The following ARHGAP24 variants were observed in gnomAD, a reference collection of about 807,000 sequenced individuals.
ARHGAP24 encodes rho GTPase-activating protein 24.
In ARHGAP24, 50 loss-of-function variants were observed where a neutral mutation model predicts 76.4. The observed-to-expected ratio is 0.65, with a 90% CI of 0.52 to 0.83. The LOEUF is 0.83. ARHGAP24 is among the 40% of genes least tolerant of loss of function. The probability of loss-of-function intolerance (pLI) is 0.00; values close to 1 mark genes in which losing one functional copy is unlikely to be tolerated. For synonymous variants in ARHGAP24, 345 were observed against 323.3 expected, an observed-to-expected ratio of 1.07 and a Z score of -0.72; for missense variants, 930 against 914.2, an observed-to-expected ratio of 1.02 and a Z score of -0.22.
At chr4:85,490,347 G>T (rs1335224101) in intron 1 of ARHGAP24, among the ~76,000 whole-genome samples, 2 of 152,136 alleles carry the variant, frequency 1.3e-5, no homozygotes, top group Non-Finnish European at 2.9e-5. Context: ...GTGTTTACAG[G>T]CTTGGAGGCA....
intron 1 of ARHGAP24, among the ~76,000 whole-genome samples, chr4:85,544,334 A>C (rs1432863655): frequency 2.6e-5 from 4 of 152,166 alleles, no homozygotes; most frequent in African/African-American, 9.7e-5. Flanking sequence ...TTAAGCTTTA[A>C]TCTATTAAAT....
chr4:85,994,447 C>T (rs1022566685), intron 8 of ARHGAP24, 136 bp from the exon 9 acceptor site: 16 of 891,040 alleles, frequency 1.8e-5, no homozygotes, highest in Non-Finnish European at 2.6e-5. Context: ...TTGCTATTAT[C>T]ATAGTTAAGA....
At chr4:85,543,305 C>G (rs1037816693) in intron 1 of ARHGAP24, among the ~76,000 whole-genome samples, 8 of 152,144 alleles carry the variant, frequency 5.3e-5, no homozygotes, top group Admixed American at 1.3e-4. Context: ...GGTGATAGTA[C>G]TGAGAGGTGA....
chr4:85,666,276 T>G (rs564523648), intron 2 of ARHGAP24, among the ~76,000 whole-genome samples: 1 of 152,324 alleles, frequency 6.6e-6, no homozygotes, highest in East Asian at 1.9e-4. Context: ...TCATCTTCCA[T>G]CACTGATACC....
At chr4:85,564,925 T>TATATAC (rs1491548309) in intron 1 of ARHGAP24, among the ~76,000 whole-genome samples, 86 of 4,384 alleles carry the variant, frequency 0.02, no homozygotes, top group Middle Eastern at 0.091. Context: ...ACACACACGG[T>TATATAC]ATATATATAT....
intron 4 of ARHGAP24, among the ~76,000 whole-genome samples, chr4:85,934,795 G>A (rs1232122642): frequency 6.6e-6 from 1 of 152,180 alleles, no homozygotes; most frequent in African/African-American, 2.4e-5. Flanking sequence ...GATTATAGGC[G>A]CAAGCCACCT....
intron 3 of ARHGAP24, among the ~76,000 whole-genome samples, chr4:85,828,821 A>G (rs1480197013): frequency 1.3e-5 from 2 of 152,146 alleles, no homozygotes; most frequent in African/African-American, 4.8e-5. Context: ...CATAAACTAT[A>G]AAAAGGAGAT....
At chr4:85,793,129 C>A (rs1462998492) in intron 3 of ARHGAP24, among the ~76,000 whole-genome samples, 2 of 151,962 alleles carry the variant, frequency 1.3e-5, no homozygotes, top group African/African-American at 2.4e-5. Flanking sequence ...AAGCACACAC[C>A]ATTCACTACC....
intron 3 of ARHGAP24, among the ~76,000 whole-genome samples, chr4:85,780,192 G>T (rs1423845922): frequency 1.2e-5 from 1 of 85,850 alleles, no homozygotes; most frequent in Non-Finnish European, 2.6e-5. Context: ...TTATTTTTTT[G>T]AGATGGAGTC....
At chr4:85,733,987 A>T (rs575344571) in intron 3 of ARHGAP24, among the ~76,000 whole-genome samples, 1 of 152,258 alleles carries the variant, frequency 6.6e-6, no homozygotes, top group South Asian at 2.1e-4. Flanking sequence ...ATTTTAGGGG[A>T]CAAACTTTCC....
intron 3 of ARHGAP24, among the ~76,000 whole-genome samples, chr4:85,920,272 T>C (rs1285247775): frequency 6.6e-6 from 1 of 152,204 alleles, no homozygotes; most frequent in African/African-American, 2.4e-5. Flanking sequence ...TTGCTTTATT[T>C]TGTTGAATTC....
chr4:85,910,071 C>G (rs1257038496), intron 3 of ARHGAP24, among the ~76,000 whole-genome samples: 1 of 152,210 alleles, frequency 6.6e-6, no homozygotes, highest in East Asian at 1.9e-4. Flanking sequence ...GCTGCTGCAA[C>G]GGGACCTGCA....
At chr4:85,570,809 C>T in intron 2 of ARHGAP24, 88 bp downstream of exon 2, 2 of 1,393,362 alleles carry the variant, frequency 1.4e-6, no homozygotes, top group Non-Finnish European at 2.0e-6. Flanking sequence ...ACTGAGACCA[C>T]CCAAAGCTCC....
At chr4:85,763,297 A>G (rs1726803451) in intron 3 of ARHGAP24, among the ~76,000 whole-genome samples, 1 of 152,178 alleles carries the variant, frequency 6.6e-6, no homozygotes, top group African/African-American at 2.4e-5. Flanking sequence ...ATCCCATTTA[A>G]TGTTATTTGC....
intron 3 of ARHGAP24, among the ~76,000 whole-genome samples, chr4:85,894,596 A>C (rs1291879258): frequency 2.2e-4 from 33 of 152,206 alleles, no homozygotes; most frequent in Non-Finnish European, 1.5e-5. Flanking sequence ...ATAACAGCTA[A>C]TGAGCAAACC....
chr4:85,705,242 G>C (rs1724268695), intron 2 of ARHGAP24, among the ~76,000 whole-genome samples: 1 of 151,622 alleles, frequency 6.6e-6, no homozygotes, highest in African/African-American at 2.4e-5. Flanking sequence ...GTTTATATAG[G>C]ATATATTTAA....
intron 2 of ARHGAP24, among the ~76,000 whole-genome samples, chr4:85,673,167 C>T (rs1722866420): frequency 6.6e-6 from 1 of 152,124 alleles, no homozygotes; most frequent in African/African-American, 2.4e-5. Context: ...CCCTGTTGCC[C>T]TTCCTTTTGT....
rs1269674808 is a variant in ARHGAP24 at position 85,997,793 on chromosome 4, T to A, written c.2003+2136T>A. ...GCCTCAGCCTCCTGAGTAGCTTGGA[T>A]TACAGATGCATGCCATCATGACTGG... On this transcript the variant is annotated intron_variant, in intron 9 of 9. Transcript: ENST00000395184. Among the ~76,000 whole-genome samples, 3 of 152,000 alleles carry A rather than the reference T, an allele frequency of 2.0e-5. No individual in the cohort carries two copies. In the East Asian group the frequency reaches 5.8e-4, roughly 30 times the overall value.
intron 8 of ARHGAP24, among the ~76,000 whole-genome samples, chr4:85,984,868 G>T (rs771960636): frequency 6.6e-6 from 1 of 152,000 alleles, no homozygotes; most frequent in African/African-American, 2.4e-5. Flanking sequence ...TGTCACTCAG[G>T]CTGGAAGGCA....
Sources: gnomAD v4.1 joint callset for allele counts (sites outside exome capture counted in the v4.1 genomes callset) on GRCh38, gnomAD v4.1.1 for gene constraint, MANE v1.5 for transcripts, NCBI Gene and HGNC (gene_info 2026-07-23, HGNC 2026-07-21) for gene names.